The following EHD3 variants were observed in gnomAD, a reference collection of about 807,000 sequenced individuals.
The protein encoded by EHD3 is EH domain containing 3.
EHD3 carries 17 observed loss-of-function variants against 43.0 expected under a neutral mutation model. The observed-to-expected ratio is 0.40, with a 90% CI of 0.27 to 0.59. EHD3 has a LOEUF of 0.59. Ranked by LOEUF, EHD3 falls within the 20% of genes least tolerant of loss-of-function variation. EHD3 has a pLI of 0.49. For missense variants in EHD3, 594 were observed against 705.6 expected (o/e 0.84, Z 1.79); for synonymous variants, 313 against 289.5 (o/e 1.08, Z -0.82).
At chr2:31,247,551 G>A (rs899060546) in intron 2 of EHD3, among the ~76,000 whole-genome samples, 1 of 152,178 alleles carries the variant, frequency 6.6e-6, no homozygotes, top group African/African-American at 2.4e-5. Flanking sequence ...ACATTGACAA[G>A]GAAAGAAATG....
intron 1 of EHD3, among the ~76,000 whole-genome samples, chr2:31,242,786 C>T (rs1683446950): frequency 6.6e-6 from 1 of 151,966 alleles, no homozygotes; most frequent in Admixed American, 6.6e-5. Flanking sequence ...TGGTGAAACC[C>T]CGTATCTACT....
chr2:31,253,075 T>C (rs1350440229), intron 3 of EHD3, among the ~76,000 whole-genome samples: 3 of 151,896 alleles, frequency 2.0e-5, no homozygotes, highest in East Asian at 1.9e-4. Flanking sequence ...TTTCTCACAA[T>C]TGGCCTTAGA....
intron 3 of EHD3, among the ~76,000 whole-genome samples, chr2:31,250,246 T>A (rs1443395672): frequency 1.3e-5 from 2 of 150,312 alleles, no homozygotes; most frequent in African/African-American, 4.9e-5. Context: ...TTATAGATGA[T>A]CATCATCATC....
At chr2:31,241,125 C>T (rs1683416936) in intron 1 of EHD3, among the ~76,000 whole-genome samples, 1 of 152,188 alleles carries the variant, frequency 6.6e-6, no homozygotes, top group Non-Finnish European at 1.5e-5. Context: ...CAGGGAACCC[C>T]ACAGCTGATA....
intron 4 of EHD3, among the ~76,000 whole-genome samples, 191 bp from the exon 5 acceptor site, chr2:31,261,358 A>G (rs1162715063): frequency 6.6e-6 from 1 of 152,178 alleles, no homozygotes; most frequent in Non-Finnish European, 1.5e-5. Flanking sequence ...CCTTGCCCAC[A>G]TAACATAGAA....
At chr2:31,248,414 G>C (rs1683569005) in intron 2 of EHD3, among the ~76,000 whole-genome samples, 1 of 152,142 alleles carries the variant, frequency 6.6e-6, no homozygotes, top group South Asian at 2.1e-4. Context: ...ACTTCTCTCA[G>C]GGTGCTGGTC....
At chr2:31,243,782 T>C (rs1327093000) in intron 1 of EHD3, among the ~76,000 whole-genome samples, 1 of 152,088 alleles carries the variant, frequency 6.6e-6, no homozygotes, top group African/African-American at 2.4e-5. Flanking sequence ...GTGTACCTTT[T>C]ATATTGTTTG....
rs745334247 is a variant in EHD3 at position 31,266,654 on chromosome 2, G to A, written c.1558G>A (p.Glu520Lys). ...VKLEGHELPNELPAHLLPPSK... is the reference protein window; with the variant it reads ...VKLEGHELPNKLPAHLLPPSK... ...GCTGGAGGGGCACGAGCTGCCCAACGAGCTGCCTGCCCACCTCCTGCCCCC... is the reference window on the plus strand; with the variant it reads ...GCTGGAGGGGCACGAGCTGCCCAACAAGCTGCCTGCCCACCTCCTGCCCCC... The change falls in exon 6 of 6, where the codon GAG becomes AAG. Residue 520 changes from glutamate to lysine, a missense_variant. This residue lies in a region of EHD3 where 322 missense variants were observed against 348.0 expected (regional missense o/e 0.93). Coordinates refer to ENST00000322054, the MANE Select transcript of EHD3 (RefSeq NM_014600.3). This position sits in a 1 kb window ranked among gnomAD's most constrained non-coding sequence, Gnocchi z 5.1. 1.7e-5 allele frequency: 27 copies of A among 1,612,670 alleles called. No individual in the cohort carries two copies. In the African/African-American group the frequency reaches 2.1e-4, roughly 13 times the overall value.
chr2:31,266,642 G>A lies in EHD3; in HGVS notation c.1546G>A (p.Glu516Lys), dbSNP rs777822714. ...CATCAAAGTCAAGCTGGAGGGGCAC[G>A]AGCTGCCCAACGAGCTGCCTGCCCA... ...HLIKVKLEGH[E>K]LPNELPAHLL... is the part of the protein sequence containing the mutation. Residue 516 changes from glutamate (E) to lysine (K), a missense_variant, in exon 6 of 6, where the codon GAG becomes AAG. Physicochemically the swap from Glu to Lys is moderately conservative, Grantham distance 56. This residue lies in a region of EHD3 where 322 missense variants were observed against 348.0 expected (regional missense o/e 0.93). Transcript: ENST00000322054. This position sits in a 1 kb window ranked among gnomAD's most constrained non-coding sequence, Gnocchi z 5.1. The A allele has an allele frequency of 8.7e-6, 14 of 1,613,460 alleles. No homozygotes were observed. In the African/African-American group the frequency reaches 9.4e-5, roughly 11 times the overall value.
chr2:31,265,654 G>C (rs577567302), intron 5 of EHD3, among the ~76,000 whole-genome samples: 1 of 152,148 alleles, frequency 6.6e-6, no homozygotes, highest in Non-Finnish European at 1.5e-5. Flanking sequence ...TTCACTAAGT[G>C]GGGATAGAAT....
chr2:31,266,584 GGAC>G lies in EHD3; in HGVS notation c.1497_1499del (p.Asp499del). The G allele has an allele frequency of 1.9e-6, 3 of 1,614,190 alleles. No homozygotes were observed. Among genetic ancestry groups the G allele is most frequent in the Non-Finnish European group, 2.5e-6 (3 of 1,180,038 alleles). ...CCGACATTGACAAGGATGGCATGCT[GGAC>G]GACGACGAGTTTGCACTGGCCAACC... is the stretch of plus-strand genomic sequence containing the variant. On this transcript the variant is annotated inframe_deletion, in exon 6 of 6. Transcript: ENST00000322054. This position sits in a 1 kb window ranked among gnomAD's most constrained non-coding sequence, Gnocchi z 5.1.
chr2:31,252,465 G>T (rs1016878206), intron 3 of EHD3, among the ~76,000 whole-genome samples: 12 of 152,174 alleles, frequency 7.9e-5, no homozygotes, highest in Middle Eastern at 3.2e-3. Flanking sequence ...TTTTGTTGTT[G>T]TTGTTGTTGT....
intron 5 of EHD3, among the ~76,000 whole-genome samples, chr2:31,265,059 T>G (rs1387114073): frequency 6.6e-6 from 1 of 152,166 alleles, no homozygotes; most frequent in African/African-American, 2.4e-5. Flanking sequence ...CACCTCCACA[T>G]CTTGTCCCAC....
Position 31,261,672 on chromosome 2 carries a change from C to G in EHD3, c.1039C>G (p.Gln347Glu). ...CTATGGCCGGATCGAGCGGGAGCAC[C>G]AGATCTCACCTGGGGACTTCCCCAA... ...EIYGRIEREHQISPGDFPNLK... is the reference protein window; with the variant it reads ...EIYGRIEREHEISPGDFPNLK... The change falls in exon 5 of 6, where the codon CAG becomes GAG. Residue 347 changes from glutamine (Q) to glutamate (E), a missense_variant. Gln to Glu is a conservative substitution (Grantham distance 29, BLOSUM62 2). Around this residue, in one of 3 missense-constraint regions of EHD3, gnomAD observed 322 missense variants for 348.0 expected, o/e 0.93. Coordinates refer to ENST00000322054, the MANE Select transcript of EHD3 (RefSeq NM_014600.3). The G allele has an allele frequency of 6.2e-7, 1 of 1,614,174 alleles. No homozygotes were observed. Among genetic ancestry groups the G allele is most frequent in the Non-Finnish European group, 8.5e-7 (1 of 1,180,022 alleles).
At chr2:31,245,185 AG>A (rs1683494146) in intron 2 of EHD3, among the ~76,000 whole-genome samples, 1 of 152,178 alleles carries the variant, frequency 6.6e-6, no homozygotes, top group South Asian at 2.1e-4. Context: ...AGGTTTTTAG[AG>A]TAGAGGTAAT....
intron 3 of EHD3, among the ~76,000 whole-genome samples, chr2:31,253,114 C>T (rs1411095448): frequency 6.6e-6 from 1 of 151,502 alleles, no homozygotes; most frequent in African/African-American, 2.4e-5. Context: ...AACTGACGCA[C>T]ACCTCCCCCA....
intron 1 of EHD3, among the ~76,000 whole-genome samples, chr2:31,238,614 C>A (rs1683363913): frequency 6.6e-6 from 1 of 152,232 alleles, no homozygotes; most frequent in African/African-American, 2.4e-5. Context: ...CTGGCCCTGG[C>A]AGCCTTTCCT....
At position 31,261,664 on chromosome 2, in the gene EHD3, G is replaced by A. The variant is rs781553046; in HGVS notation, c.1031G>A (p.Arg344Gln). 4 of 1,614,084 alleles carry A rather than the reference G, an allele frequency of 2.5e-6. No individual in the cohort carries two copies. The highest frequency in any genetic ancestry group is 2.2e-5 in the East Asian group (1 of 44,896). The change falls in exon 5 of 6, where the codon CGG (arginine) becomes CAG (glutamine). Residue 344 changes from arginine (R) to glutamine (Q), a missense_variant. Coordinates refer to ENST00000322054, the MANE Select transcript of EHD3 (RefSeq NM_014600.3). ...GCCGAGATCTATGGCCGGATCGAGCGGGAGCACCAGATCTCACCTGGGGAC... is the reference window on the plus strand; with the variant it reads ...GCCGAGATCTATGGCCGGATCGAGCAGGAGCACCAGATCTCACCTGGGGAC... ...NLAEIYGRIE[R>Q]EHQISPGDFP...
At chr2:31,235,725 T>C (rs1683312471) in intron 1 of EHD3, among the ~76,000 whole-genome samples, 1 of 152,214 alleles carries the variant, frequency 6.6e-6, no homozygotes, top group Admixed American at 6.5e-5. Context: ...TACAGAATCC[T>C]TGGGCTGGAG....
Sources: allele counts gnomAD v4.1 joint callset (sites outside exome capture counted in the v4.1 genomes callset), GRCh38; gene constraint gnomAD v4.1.1; regional missense constraint gnomAD v4.1.1; non-coding constraint Gnocchi (gnomAD v3.1); transcripts MANE v1.5; gene names NCBI Gene and HGNC (gene_info 2026-07-23, HGNC 2026-07-21).